Variants in GLIS3 observed in about 807,000 individuals in gnomAD.
GLIS3 encodes GLIS family zinc finger 3, also known as zinc finger protein GLIS3.
Under a neutral mutation model 78.6 loss-of-function variants are expected in GLIS3, and 53 were observed. The ratio of observed to expected loss-of-function variants is 0.67; its 90% CI spans 0.54 to 0.85. GLIS3 has a LOEUF of 0.85. GLIS3 is among the 40% of genes least tolerant of loss of function. GLIS3 has a pLI of 0.00. For synonymous variants in GLIS3, 684 were observed against 509.9 expected (o/e 1.34, Z -4.60); for missense variants, 1,703 against 1,231.1 (o/e 1.38, Z -5.74).
chr9:4,422,737 G>C, the GLIS3 span, among the ~76,000 whole-genome samples: 1 of 152,210 alleles, frequency 6.6e-6, no homozygotes, highest in Non-Finnish European at 1.5e-5. Flanking sequence ...AGGTTAATGA[G>C]ATAAAGTGTG....
chr9:4,290,139 T>C (rs935610914), intron 1 of GLIS3, among the ~76,000 whole-genome samples: 1 of 152,174 alleles, frequency 6.6e-6, no homozygotes. Flanking sequence ...TTAGTAAATA[T>C]CATTAACAGA....
chr9:4,185,666 G>A (rs984106714), intron 2 of GLIS3, among the ~76,000 whole-genome samples: 1 of 152,174 alleles, frequency 6.6e-6, no homozygotes, highest in South Asian at 2.1e-4. Context: ...TTGAAGAAGG[G>A]AATCAGTCAA....
At chr9:4,031,818 T>G (rs553717928) in intron 4 of GLIS3, among the ~76,000 whole-genome samples, 12 of 152,340 alleles carry the variant, frequency 7.9e-5, no homozygotes, top group Admixed American at 7.8e-4. Flanking sequence ...ATGGTTCTAG[T>G]CCCTCTCTCT....
intron 2 of GLIS3, among the ~76,000 whole-genome samples, chr9:4,341,746 C>G (rs553728353): frequency 2.6e-5 from 4 of 152,338 alleles, no homozygotes; most frequent in East Asian, 1.9e-4. Context: ...GCAATCAGTT[C>G]TAAGGAAAAT....
intron 2 of GLIS3, among the ~76,000 whole-genome samples, chr9:4,320,432 C>T (rs1587384018): frequency 6.6e-6 from 1 of 152,176 alleles, no homozygotes; most frequent in Non-Finnish European, 1.5e-5. Context: ...CCTGACCCAT[C>T]CCCACTTTAT....
intron 4 of GLIS3, among the ~76,000 whole-genome samples, chr9:4,008,794 A>C (rs1821764593): frequency 6.6e-6 from 1 of 152,122 alleles, no homozygotes; most frequent in Non-Finnish European, 1.5e-5. Context: ...TAGAGTTGAA[A>C]GAAACTTTAG....
intron 4 of GLIS3, among the ~76,000 whole-genome samples, chr9:4,115,563 A>G (rs1219385771): frequency 6.6e-6 from 1 of 152,120 alleles, no homozygotes; most frequent in East Asian, 1.9e-4. Flanking sequence ...TCTGTGGATT[A>G]CAACTTAAGA....
chr9:4,266,675 T>C (rs992463878), intron 2 of GLIS3, among the ~76,000 whole-genome samples: 1 of 151,894 alleles, frequency 6.6e-6, no homozygotes, highest in Non-Finnish European at 1.5e-5. Flanking sequence ...ACAGAATGAA[T>C]GACAGCCACT....
At chr9:3,900,824 T>G (rs1460182362) in intron 6 of GLIS3, 1 of 152,106 alleles carries the variant, frequency 6.6e-6, no homozygotes, top group Non-Finnish European at 1.5e-5. Context: ...TTCTTCTGCT[T>G]TCTGTAAGGT....
At chr9:4,109,394 T>G (rs1410386314) in intron 4 of GLIS3, among the ~76,000 whole-genome samples, 2 of 152,194 alleles carry the variant, frequency 1.3e-5, no homozygotes, top group African/African-American at 4.8e-5. Flanking sequence ...TTCCCCAGAT[T>G]TTTAATTGTT....
chr9:4,166,387 C>A (rs1430237259), intron 2 of GLIS3, among the ~76,000 whole-genome samples: 3 of 152,230 alleles, frequency 2.0e-5, no homozygotes, highest in South Asian at 2.1e-4. Flanking sequence ...CAAGAAAAAC[C>A]ACAGAACAAG....
rs145014517 is a variant in GLIS3 at position 4,329,576 on chromosome 9, C to T, written n.264+17505G>A. On this transcript the variant is annotated intron_variant and non_coding_transcript_variant, in intron 2 of 4. Transcript: ENST00000471664. ...GAAAGCATTTAATAAGAATGTGCTA[C>T]ACACTGTGCCAAGTACAGCACAACC... is the stretch of plus-strand genomic sequence containing the variant. Among the ~76,000 whole-genome samples the T allele has an allele frequency of 9.2e-5, 14 of 152,274 alleles. 1 individual carries two copies. In the East Asian group the frequency reaches 2.7e-3, roughly 29 times the overall value.
In GLIS3 at chr9:4,154,554, A is replaced by T. The variant is rs1384337112; in HGVS notation, c.389-28613T>A. ...CAAACAAAAGACCAGGAAACATATT[A>T]ACATTCTATATCACAAAGAGTTAAA... On this transcript the variant is annotated intron_variant, in intron 2 of 10. Transcript: ENST00000381971. Among the ~76,000 whole-genome samples the T allele has an allele frequency of 3.3e-5, 5 of 152,180 alleles. No homozygotes were observed. In the South Asian group the frequency reaches 6.2e-4, roughly 19 times the overall value.
chr9:4,459,932 G>T, the GLIS3 span, among the ~76,000 whole-genome samples: 1 of 152,230 alleles, frequency 6.6e-6, no homozygotes, highest in Non-Finnish European at 1.5e-5. Context: ...ATATCACCAT[G>T]GTGGGGGAGA....
intron 4 of GLIS3, among the ~76,000 whole-genome samples, chr9:4,040,974 C>T (rs190789323): frequency 6.6e-6 from 1 of 152,270 alleles, no homozygotes; most frequent in Non-Finnish European, 1.5e-5. Flanking sequence ...AGATTTCTTT[C>T]TCAACATTCT....
chr9:3,829,392 C>G lies in GLIS3; in HGVS notation c.2574G>C (p.Glu858Asp). The change falls in exon 10 of 11, where the codon GAG (glutamate) becomes GAC (aspartate). Residue 858 changes from glutamate (E) to aspartate (D), a missense_variant. By Grantham distance (45) the Glu-to-Asp change is conservative. Transcript: ENST00000381971. Reference protein sequence around the residue: ...VSSCSVVPSFEDCLVPTSMGQ... With the variant: ...VSSCSVVPSFDDCLVPTSMGQ... ...CCATGGATGTAGGGACTAGGCAGTC[C>G]TCAAACGAAGGCACCACACTGCAGG... 1 of 1,614,078 alleles carries G rather than the reference C, an allele frequency of 6.2e-7. No homozygotes were observed. The highest frequency in any genetic ancestry group is 8.5e-7 in the Non-Finnish European group (1 of 1,179,982).
intron 2 of GLIS3, among the ~76,000 whole-genome samples, chr9:4,316,975 G>C (rs150583671): frequency 0.01 from 1,540 of 152,098 alleles, 32 homozygotes; most frequent in African/African-American, 0.035. Flanking sequence ...TTTGCTTAAA[G>C]TCACAGTGTC....
intron 2 of GLIS3, among the ~76,000 whole-genome samples, chr9:4,253,201 A>C (rs1464521812): frequency 6.6e-6 from 1 of 152,208 alleles, no homozygotes; most frequent in Non-Finnish European, 1.5e-5. Context: ...AGTCTGCTGA[A>C]GCTGGGCCCA....
intron 4 of GLIS3, among the ~76,000 whole-genome samples, chr9:4,040,577 A>G (rs1824724566): frequency 6.6e-6 from 1 of 152,196 alleles, no homozygotes; most frequent in Non-Finnish European, 1.5e-5. Context: ...AAAATATTCA[A>G]TCAATAAGGA....
Sources: gnomAD v4.1 joint callset for allele counts (sites outside exome capture counted in the v4.1 genomes callset) on GRCh38, gnomAD v4.1.1 for gene constraint, MANE v1.5 for transcripts, NCBI Gene and HGNC (gene_info 2026-07-23, HGNC 2026-07-21) for gene names.